The following ADCY2 variants were observed in gnomAD, a reference collection of about 807,000 sequenced individuals.
The protein encoded by ADCY2 is adenylate cyclase type 2.
A neutral mutation model predicts 125.2 loss-of-function variants in ADCY2; 31 were observed. That is an observed-to-expected ratio of 0.25 (90% CI 0.19 to 0.33). ADCY2 has a LOEUF of 0.33. Among genes scored for constraint, ADCY2 ranks in the 10% least tolerant of loss-of-function variants. The pLI, the probability that ADCY2 is intolerant of heterozygous loss-of-function variation, is 1.00. For missense variants in ADCY2, 904 were observed against 1,418.2 expected (o/e 0.64, Z 5.82); for synonymous variants, 512 against 548.4 (o/e 0.93, Z 0.93).
intron 2 of ADCY2, among the ~76,000 whole-genome samples, chr5:7,492,982 ATTGCTC>A (rs1743218584): frequency 6.6e-6 from 1 of 152,164 alleles, no homozygotes; most frequent in African/African-American, 2.4e-5. Context: ...GTTCATGGCC[ATTGCTC>A]TTGTGCTCAG....
chr5:7,594,925 C>T (rs1208145656), intron 3 of ADCY2, among the ~76,000 whole-genome samples: 1 of 152,198 alleles, frequency 6.6e-6, no homozygotes, highest in Non-Finnish European at 1.5e-5. Flanking sequence ...TCAAGGGCAG[C>T]TTCAAAGGAC....
At position 7,691,092 on chromosome 5, in the gene ADCY2, C is replaced by A. The variant is rs541332427; in HGVS notation, c.869+253C>A. The A allele has an allele frequency of 2.0e-5, 6 of 303,242 alleles. No individual in the cohort carries two copies. The East Asian group carries it at 2.8e-4, about 14-fold the overall frequency. 18.8% of individuals were successfully genotyped at this position (303,242 alleles called of 1,614,324 possible). A position where few individuals can be genotyped will look rare whatever the true frequency, so the allele number is the denominator to read the frequency against. On this transcript the variant is annotated intron_variant, in intron 5 of 24. Transcript: ENST00000338316. Reference sequence around the variant, plus strand: ...TCCTTCATAGCCCTGGCTTCTGTAGCCAAGCATCCATCACAGAAAGGAGTG... The same window carrying A: ...TCCTTCATAGCCCTGGCTTCTGTAGACAAGCATCCATCACAGAAAGGAGTG...
At chr5:7,756,480 T>A (rs1447221090) in intron 15 of ADCY2, among the ~76,000 whole-genome samples, 1 of 152,184 alleles carries the variant, frequency 6.6e-6, no homozygotes, top group African/African-American at 2.4e-5. Context: ...ATCCATACAA[T>A]GGAGTTTTAT....
chr5:7,719,514 G>A (rs1488113463), intron 12 of ADCY2, among the ~76,000 whole-genome samples: 1 of 152,192 alleles, frequency 6.6e-6, no homozygotes, highest in Non-Finnish European at 1.5e-5. Context: ...CAGGCTTGAT[G>A]TACCATTCAC....
intron 18 of ADCY2, chr5:7,782,230 C>CCTATAGCT (rs1743943553): frequency 1.2e-5 from 2 of 167,192 alleles, no homozygotes; most frequent in Admixed American, 1.3e-4. Context: ...CCTCCACCCA[C>CCTATAGCT]CACTATTCCT....
intron 3 of ADCY2, among the ~76,000 whole-genome samples, chr5:7,575,164 T>TA (rs879381288): frequency 5.9e-5 from 9 of 151,472 alleles, no homozygotes; most frequent in East Asian, 1.9e-4. Context: ...TGTCTCTCTA[T>TA]AAAAAAAAAT....
At chr5:7,741,756 C>CATCATCA (rs1560931411) in intron 14 of ADCY2, among the ~76,000 whole-genome samples, 2 of 141,602 alleles carry the variant, frequency 1.4e-5, no homozygotes, top group South Asian at 2.3e-4. Context: ...CCATCACCAT[C>CATCATCA]CCTATCACTG....
At chr5:7,817,823 CAAAAAAAAAAAA>C (rs57731885) in intron 23 of ADCY2, among the ~76,000 whole-genome samples, 6 of 78,302 alleles carry the variant, frequency 7.7e-5, no homozygotes, top group South Asian at 1.0e-3. Context: ...ACGCTGTCAC[CAAAAAAAAAAAA>C]AAAAAAAAAA....
Position 7,461,879 on chromosome 5 carries a change from C to T in ADCY2, c.408+47109C>T, listed in dbSNP as rs60531212. On this transcript the variant is annotated intron_variant, in intron 2 of 24. Coordinates refer to ENST00000338316, the MANE Select transcript of ADCY2 (RefSeq NM_020546.3). ...ACAAAAATGATTTCTGTTTAGATCT[C>T]ATATTTAAGCATCTATGATAATGAA... is the stretch of plus-strand genomic sequence containing the variant. Among the ~76,000 whole-genome samples the T allele has an allele frequency of 5.5e-3, 839 of 152,310 alleles. 3 individuals carry two copies. Among genetic ancestry groups the T allele is most frequent in the African/African-American group, 0.019 (806 of 41,560 alleles).
At chr5:7,782,604 G>T (rs1743953602) in intron 18 of ADCY2, among the ~76,000 whole-genome samples, 2 of 152,204 alleles carry the variant, frequency 1.3e-5, no homozygotes, top group Admixed American at 1.3e-4. Context: ...GTAGAAGAAG[G>T]GGATGTCATA....
intron 17 of ADCY2, among the ~76,000 whole-genome samples, chr5:7,767,192 T>C (rs2126474487): frequency 6.6e-6 from 1 of 152,324 alleles, no homozygotes; most frequent in South Asian, 2.1e-4. Flanking sequence ...AAAGCTGTGA[T>C]AAAACTGCCC....
intron 3 of ADCY2, among the ~76,000 whole-genome samples, chr5:7,530,686 G>A (rs1284041803): frequency 3.3e-5 from 5 of 152,028 alleles, no homozygotes; most frequent in African/African-American, 1.2e-4. Flanking sequence ...CATCCTCTGA[G>A]GATGATTTCA....
intron 17 of ADCY2, among the ~76,000 whole-genome samples, chr5:7,767,549 T>A (rs566146834): frequency 6.6e-6 from 1 of 152,188 alleles, no homozygotes; most frequent in Non-Finnish European, 1.5e-5. Context: ...GGGACTGAAA[T>A]TGGTAATTTA....
At chr5:7,667,844 CACT>C (rs1253023741) in intron 4 of ADCY2, among the ~76,000 whole-genome samples, 3 of 152,200 alleles carry the variant, frequency 2.0e-5, no homozygotes, top group Non-Finnish European at 4.4e-5. Flanking sequence ...GGGGTCTGCT[CACT>C]ACGACAGTAT....
chr5:7,530,486 C>A lies in ADCY2; in HGVS notation c.570+9587C>A, dbSNP rs929464018. Among the ~76,000 whole-genome samples, 3 of 152,080 alleles carry A rather than the reference C, an allele frequency of 2.0e-5. No individual in the cohort carries two copies. The South Asian group carries it at 6.2e-4, about 32-fold the overall frequency. ...TCTTGAACTCCTGGCCTCAAGCGATCCTCCCAGCTTGGCCTCCCAAAGGAG... is the reference window on the plus strand; with the variant it reads ...TCTTGAACTCCTGGCCTCAAGCGATACTCCCAGCTTGGCCTCCCAAAGGAG... On this transcript the variant is annotated intron_variant, in intron 3 of 24. Coordinates refer to ENST00000338316, the MANE Select transcript of ADCY2 (RefSeq NM_020546.3).
intron 3 of ADCY2, among the ~76,000 whole-genome samples, chr5:7,538,719 TG>T (rs1385287325): frequency 2.6e-5 from 4 of 152,246 alleles, no homozygotes; most frequent in African/African-American, 9.6e-5. Context: ...TGCAACATTA[TG>T]TCAATTAGAT....
intron 2 of ADCY2, among the ~76,000 whole-genome samples, chr5:7,500,833 C>T (rs1743534377): frequency 1.3e-5 from 2 of 152,174 alleles, no homozygotes; most frequent in Non-Finnish European, 2.9e-5. Flanking sequence ...GGTCACTCCA[C>T]ACACCTAGCT....
At position 7,520,821 on chromosome 5, in the gene ADCY2, C is replaced by T. The variant is rs575107508; in HGVS notation, c.492C>T (p.Leu164=). 5.6e-6 allele frequency: 9 copies of T among 1,614,248 alleles called. No homozygotes were observed. The East Asian group carries it at 1.6e-4, about 28-fold the overall frequency. Residue 164 remains leucine, a synonymous_variant, in exon 3 of 25, where the codon CTC becomes CTT. Transcript: ENST00000338316. ...NMRDAIIASV[L]TSSSHTIVLS... ...GAGACGCCATCATTGCCAGCGTCCT[C>T]ACCTCCTCCTCCCACACCATCGTGC...
intron 14 of ADCY2, among the ~76,000 whole-genome samples, chr5:7,741,325 G>A (rs949014973): frequency 3.3e-5 from 5 of 152,040 alleles, no homozygotes; most frequent in Non-Finnish European, 7.4e-5. Flanking sequence ...AGTTATAGAA[G>A]TATAACTTGG....
Sources: gnomAD v4.1 joint callset for allele counts (sites outside exome capture counted in the v4.1 genomes callset) on GRCh38, gnomAD v4.1.1 for gene constraint, MANE v1.5 for transcripts, NCBI Gene and HGNC (gene_info 2026-07-23, HGNC 2026-07-21) for gene names.